Variants in TDRD9 observed in about 807,000 individuals in gnomAD.
TDRD9 encodes ATP-dependent RNA helicase TDRD9.
TDRD9 carries 124 observed loss-of-function variants against 172.6 expected under a neutral mutation model. The observed-to-expected ratio is 0.72, with a 90% CI of 0.62 to 0.83. TDRD9 has a LOEUF of 0.83. Among genes scored for constraint, TDRD9 ranks in the 40% least tolerant of loss-of-function variants. The probability of loss-of-function intolerance (pLI) is 0.00; values close to 1 mark genes in which losing one functional copy is unlikely to be tolerated. For missense variants in TDRD9, 1,479 were observed against 1,714.1 expected (o/e 0.86, Z 2.42); for synonymous variants, 619 against 617.1 (o/e 1.00, Z -0.05).
At chr14:103,951,915 C>T (rs112563511) in intron 1 of TDRD9, among the ~76,000 whole-genome samples, 3,563 of 151,418 alleles carry the variant, frequency 0.024, 78 homozygotes, top group East Asian at 0.071. Context: ...CACAGGCGCC[C>T]GCCACCATGC....
intron 1 of TDRD9, among the ~76,000 whole-genome samples, chr14:103,932,676 T>C (rs7144895): frequency 2.1e-3 from 324 of 151,040 alleles, no homozygotes; most frequent in African/African-American, 5.4e-3. Context: ...CGTGAGGTAC[T>C]GCGCCCGGCC....
At chr14:103,958,947 A>G (rs1267922708) in intron 2 of TDRD9, among the ~76,000 whole-genome samples, 1 of 152,158 alleles carries the variant, frequency 6.6e-6, no homozygotes, top group Non-Finnish European at 1.5e-5. Context: ...TGGTCTTAAT[A>G]CTCAGAGCAG....
intron 12 of TDRD9, 44 bp from the exon 13 acceptor site, chr14:103,998,580 C>A: frequency 9.9e-7 from 1 of 1,011,608 alleles, no homozygotes; most frequent in Non-Finnish European, 1.6e-6. Flanking sequence ...ATGCAATGAT[C>A]TCTTATTAGC....
chr14:104,050,735 A>G (rs552165736), intron 35 of TDRD9, among the ~76,000 whole-genome samples: 52 of 152,332 alleles, frequency 3.4e-4, no homozygotes, highest in Admixed American at 9.2e-4. Flanking sequence ...TCCATGGGCA[A>G]GGAGAGGGGC....
intron 11 of TDRD9, 50 bp from the exon 12 acceptor site, chr14:103,995,700 A>T (rs753077950): frequency 6.7e-7 from 1 of 1,493,526 alleles, no homozygotes; most frequent in African/African-American, 1.4e-5. Flanking sequence ...TTGCCTAATG[A>T]TGTTCGGAAT....
chr14:104,018,193 G>C lies in TDRD9; in HGVS notation c.2432+1G>C. 6.4e-7 allele frequency: 1 copy of C among 1,552,830 alleles called. No homozygotes were observed. ...AATCCATTGTATTTGATGGTGCAAA[G>C]TAAGTATATTTTTGTAATCAACTGC... On this transcript the variant is annotated splice_donor_variant, in intron 23 of 35. Transcript: ENST00000409874. LOFTEE classifies it high-confidence loss of function.
chr14:103,931,780 A>G (rs1335123514), intron 1 of TDRD9, among the ~76,000 whole-genome samples: 1 of 152,204 alleles, frequency 6.6e-6, no homozygotes, highest in East Asian at 1.9e-4. Context: ...AGATTGTCTG[A>G]GTGGGCCCAG....
At chr14:103,993,608 C>T (rs1053441353) in intron 9 of TDRD9, among the ~76,000 whole-genome samples, 9 of 152,174 alleles carry the variant, frequency 5.9e-5, no homozygotes, top group Admixed American at 2.6e-4. Flanking sequence ...TGGTAGTGGC[C>T]GTCAGTCCCT....
chr14:103,943,170 A>G (rs935116485), intron 1 of TDRD9, among the ~76,000 whole-genome samples: 1 of 151,586 alleles, frequency 6.6e-6, no homozygotes, highest in Non-Finnish European at 1.5e-5. Flanking sequence ...ACGTTGTGTC[A>G]CCCAGGCTGT....
Position 104,007,152 on chromosome 14 carries a change from A to G in TDRD9, c.2008-8A>G. ...ATTATTTTGAAAGTTTGGATCCTTT[A>G]TTTTCAGACATGGAAGGCTTGCAGA... is the stretch of plus-strand genomic sequence containing the variant. On this transcript the variant is annotated splice_polypyrimidine_tract_variant and splice_region_variant and intron_variant, in intron 18 of 35. Transcript: ENST00000409874. The G allele has an allele frequency of 1.2e-6, 2 of 1,613,204 alleles. No individual in the cohort carries two copies. The highest frequency in any genetic ancestry group is 2.2e-5 in the East Asian group (1 of 44,874).
chr14:103,965,316 A>ATT lies in TDRD9; in HGVS notation c.421-12_421-11dup. ...GCCATTTTGTGCTGATTTTGAAAGA[A>ATT]TTTTTTAAATTTCTAGGTTGTGTCT... On this transcript the variant is annotated splice_polypyrimidine_tract_variant and intron_variant, in intron 3 of 35. Transcript: ENST00000409874. 6.5e-7 allele frequency: 1 copy of ATT among 1,549,532 alleles called. No individual in the cohort carries two copies. Among genetic ancestry groups the ATT allele is most frequent in the Non-Finnish European group, 8.7e-7 (1 of 1,145,348 alleles).
intron 6 of TDRD9, among the ~76,000 whole-genome samples, chr14:103,975,073 T>C (rs1050641191): frequency 6.6e-6 from 1 of 152,120 alleles, no homozygotes; most frequent in African/African-American, 2.4e-5. Context: ...TATCTTTGTT[T>C]ACCTGGGCCT....
chr14:103,952,493 G>A (rs1268274977), intron 1 of TDRD9, among the ~76,000 whole-genome samples: 1 of 149,872 alleles, frequency 6.7e-6, no homozygotes, highest in Non-Finnish European at 1.5e-5. Flanking sequence ...CGCCCACCTC[G>A]GCCTCCCAAA....
intron 6 of TDRD9, among the ~76,000 whole-genome samples, chr14:103,974,479 C>T (rs1215564638): frequency 2.0e-5 from 3 of 152,078 alleles, no homozygotes; most frequent in Non-Finnish European, 4.4e-5. Flanking sequence ...GTCATCTTGC[C>T]CCAGTCTGGG....
At chr14:103,955,804 T>C (rs2032165146) in intron 2 of TDRD9, 34 bp downstream of exon 2, 2 of 1,502,250 alleles carry the variant, frequency 1.3e-6, no homozygotes, top group African/African-American at 1.4e-5. Flanking sequence ...TTAGATAGGA[T>C]GCATGAGTGG....
chr14:103,985,508 A>G (rs1461047849), intron 7 of TDRD9, among the ~76,000 whole-genome samples: 1 of 152,152 alleles, frequency 6.6e-6, no homozygotes, highest in Non-Finnish European at 1.5e-5. Context: ...AGTCTTGGGT[A>G]TGTCTTTATC....
rs949024093 is a variant in TDRD9 at position 103,965,435 on chromosome 14, C to T, written c.523C>T (p.Gln175Ter). The stretch of plus-strand genomic sequence containing the variant: ...GCAGTATATCTTGGACCACTACGTT[C>T]AGCGCTCCGCCTACTGCAGCATTGT... ...LPQYILDHYV[Q>*]RSAYCSIVVT... is the part of the protein sequence containing the mutation. Residue 175 changes from glutamine (Q) to a stop codon, truncating the protein, a stop_gained, in exon 4 of 36, where the codon CAG (glutamine) becomes TAG (stop). Coordinates refer to ENST00000409874, the MANE Select transcript of TDRD9 (RefSeq NM_153046.3). LOFTEE classifies it high-confidence loss of function. 4 of 1,551,482 alleles carry T rather than the reference C, an allele frequency of 2.6e-6. No individual in the cohort carries two copies. Among genetic ancestry groups the T allele is most frequent in the African/African-American group, 2.7e-5 (2 of 73,012 alleles).
intron 33 of TDRD9, among the ~76,000 whole-genome samples, chr14:104,040,778 G>A (rs571207709): frequency 5.4e-4 from 82 of 152,358 alleles, no homozygotes; most frequent in African/African-American, 1.8e-3. Flanking sequence ...CGTGAGTGCA[G>A]AGCTGAGCTG....
At chr14:104,051,662 T>C (rs2035938334) in intron 35 of TDRD9, among the ~76,000 whole-genome samples, 1 of 152,198 alleles carries the variant, frequency 6.6e-6, no homozygotes, top group Non-Finnish European at 1.5e-5. Flanking sequence ...TGGTGTGAGA[T>C]GGTATTTTGT....
Sources: allele counts gnomAD v4.1 joint callset (sites outside exome capture counted in the v4.1 genomes callset), GRCh38; gene constraint gnomAD v4.1.1; transcripts MANE v1.5; gene names NCBI Gene and HGNC (gene_info 2026-07-23, HGNC 2026-07-21).